ARHGAP42: variants seen among roughly 807,000 people sequenced by gnomAD.
The protein encoded by ARHGAP42 is rho GTPase-activating protein 42.
Under a neutral mutation model 125.0 loss-of-function variants are expected in ARHGAP42, and 63 were observed. The ratio of observed to expected loss-of-function variants is 0.50; its 90% CI spans 0.41 to 0.62. The LOEUF (loss-of-function observed/expected upper bound fraction) is 0.62. Among genes scored for constraint, ARHGAP42 ranks in the 20% least tolerant of loss-of-function variants. The pLI, the probability that ARHGAP42 is intolerant of heterozygous loss-of-function variation, is 0.00. For synonymous variants in ARHGAP42, 339 were observed against 351.0 expected, an observed-to-expected ratio of 0.97 and a Z score of 0.38; for missense variants, 766 against 1,024.2, an observed-to-expected ratio of 0.75 and a Z score of 3.44.
At chr11:100,792,752 C>CTTTTTTTTTTTTTTTTTTTTT in intron 2 of ARHGAP42, among the ~76,000 whole-genome samples, 1 of 141,550 alleles carries the variant, frequency 7.1e-6, no homozygotes, top group African/African-American at 2.7e-5. Flanking sequence ...TTGGAATTTT[C>CTTTTTTTTTTTTTTTTTTTTT]TTTTTTTTTT....
At position 100,760,184 on chromosome 11, in the gene ARHGAP42, T is replaced by A. The variant is rs143701198; in HGVS notation, c.155-10159T>A. ...GCAGTCCTGCAGCTGTGCATACCTC[T>A]CTATTTGAAGACGTTTGAAGGTCAC... On this transcript the variant is annotated intron_variant, in intron 1 of 23. Coordinates refer to ENST00000298815, the MANE Select transcript of ARHGAP42 (RefSeq NM_152432.4). Among the ~76,000 whole-genome samples the A allele has an allele frequency of 4.4e-3, 669 of 152,322 alleles. 4 individuals are homozygous for A. The highest frequency in any genetic ancestry group is 0.015 in the African/African-American group (639 of 41,570).
intron 1 of ARHGAP42, among the ~76,000 whole-genome samples, chr11:100,715,984 C>G (rs1468320626): frequency 6.6e-6 from 1 of 152,168 alleles, no homozygotes; most frequent in Non-Finnish European, 1.5e-5. Context: ...TGTAGGAAGA[C>G]AGTCTGGCAG....
chr11:100,933,352 G>C lies in ARHGAP42; in HGVS notation c.702+92G>C, dbSNP rs1419336144. 4 of 908,314 alleles carry C rather than the reference G, an allele frequency of 4.4e-6. No individual in the cohort carries two copies. The East Asian group carries it at 9.1e-5, about 21-fold the overall frequency. The allele number at this position is 908,314 out of a possible 1,614,324, so 56.3% of individuals were successfully genotyped here. A position where few individuals can be genotyped will look rare whatever the true frequency, so the allele number is the denominator to read the frequency against. ...TTACAATTTTTTTCTAGCTGCTAGT[G>C]GAAAATACAACCCACAAAACCCTAA... On this transcript the variant is annotated intron_variant, in intron 7 of 23. Coordinates refer to ENST00000298815, the MANE Select transcript of ARHGAP42 (RefSeq NM_152432.4).
intron 2 of ARHGAP42, among the ~76,000 whole-genome samples, chr11:100,789,733 G>GA (rs1344474301): frequency 6.6e-6 from 1 of 152,198 alleles, no homozygotes; most frequent in Non-Finnish European, 1.5e-5. Context: ...CCTGACTAAA[G>GA]TGCAGCCATC....
intron 18 of ARHGAP42, 99 bp downstream of exon 18, chr11:100,973,433 A>T (rs1858306829): frequency 2.5e-6 from 3 of 1,208,726 alleles, no homozygotes; most frequent in Admixed American, 2.6e-5. Context: ...TGTATAAATT[A>T]CTTCTTAATG....
intron 4 of ARHGAP42, among the ~76,000 whole-genome samples, chr11:100,891,718 C>T (rs1055688855): frequency 3.3e-5 from 5 of 152,168 alleles, no homozygotes; most frequent in African/African-American, 1.2e-4. Flanking sequence ...GCTGGGATTA[C>T]AGGTGTGAGC....
chr11:100,952,008 A>G (rs529753799), intron 12 of ARHGAP42, among the ~76,000 whole-genome samples: 63 of 152,304 alleles, frequency 4.1e-4, no homozygotes, highest in African/African-American at 1.5e-3. Context: ...TACCCAAGGG[A>G]AGATTTTTGG....
chr11:100,827,686 CAT>C (rs1325133093), intron 3 of ARHGAP42, among the ~76,000 whole-genome samples: 12 of 152,228 alleles, frequency 7.9e-5, no homozygotes, highest in African/African-American at 2.9e-4. Context: ...TTGGCAAAGT[CAT>C]AGTTGTGGAG....
chr11:100,711,996 G>C (rs1861572870), intron 1 of ARHGAP42, among the ~76,000 whole-genome samples: 1 of 152,214 alleles, frequency 6.6e-6, no homozygotes, highest in Non-Finnish European at 1.5e-5. Flanking sequence ...TTGTAAATTA[G>C]TAATATGTTT....
chr11:100,876,620 G>A (rs1865829753), intron 4 of ARHGAP42, among the ~76,000 whole-genome samples: 1 of 152,208 alleles, frequency 6.6e-6, no homozygotes, highest in Non-Finnish European at 1.5e-5. Context: ...GGATTGTGCA[G>A]ATAAGTGAAC....
intron 4 of ARHGAP42, among the ~76,000 whole-genome samples, chr11:100,861,671 A>AT (rs1252560623): frequency 6.6e-6 from 1 of 152,218 alleles, no homozygotes; most frequent in African/African-American, 2.4e-5. Context: ...TTCAGGTTGC[A>AT]TAACTGGGTG....
chr11:100,733,851 A>AG (rs1862005546), intron 1 of ARHGAP42, among the ~76,000 whole-genome samples: 1 of 146,270 alleles, frequency 6.8e-6, no homozygotes, highest in African/African-American at 2.5e-5. Flanking sequence ...AAAAAAAAAA[A>AG]GCACTCCATT....
intron 1 of ARHGAP42, among the ~76,000 whole-genome samples, chr11:100,761,873 T>C (rs981802571): frequency 6.6e-6 from 1 of 152,256 alleles, no homozygotes; most frequent in African/African-American, 2.4e-5. Context: ...AAGCCAGTTT[T>C]ATGTAATATT....
intron 22 of ARHGAP42, among the ~76,000 whole-genome samples, chr11:100,979,994 C>T (rs192665003): frequency 1.7e-4 from 26 of 152,238 alleles, no homozygotes; most frequent in African/African-American, 6.0e-4. Flanking sequence ...AGTACCTAGA[C>T]AGTACTGGGC....
intron 1 of ARHGAP42, among the ~76,000 whole-genome samples, chr11:100,743,257 G>A (rs1396399226): frequency 6.6e-6 from 1 of 152,076 alleles, no homozygotes; most frequent in African/African-American, 2.4e-5. Flanking sequence ...GTATGGCTGG[G>A]CTGGTAATGA....
intron 3 of ARHGAP42, among the ~76,000 whole-genome samples, chr11:100,838,109 G>A (rs756748549): frequency 2.9e-4 from 44 of 151,726 alleles, no homozygotes; most frequent in Non-Finnish European, 5.6e-4. Context: ...TTGCATTGAC[G>A]TGTTTGAAAA....
At chr11:100,832,987 C>T (rs924949522) in intron 3 of ARHGAP42, among the ~76,000 whole-genome samples, 5 of 152,146 alleles carry the variant, frequency 3.3e-5, no homozygotes, top group East Asian at 3.8e-4. Flanking sequence ...GCATCACAGG[C>T]GACTAGAATG....
At chr11:100,729,005 G>GT (rs1176380392) in intron 1 of ARHGAP42, among the ~76,000 whole-genome samples, 1 of 151,738 alleles carries the variant, frequency 6.6e-6, no homozygotes, top group Non-Finnish European at 1.5e-5. Context: ...CTGGCCTCAG[G>GT]TTATCTGCCC....
chr11:100,729,185 A>G (rs1269737364), intron 1 of ARHGAP42, among the ~76,000 whole-genome samples: 2 of 152,126 alleles, frequency 1.3e-5, no homozygotes, highest in South Asian at 2.1e-4. Context: ...AAATATACAG[A>G]TATGTATTTG....
Sources: gnomAD v4.1 joint callset for allele counts (sites outside exome capture counted in the v4.1 genomes callset) on GRCh38, gnomAD v4.1.1 for gene constraint, MANE v1.5 for transcripts, NCBI Gene and HGNC (gene_info 2026-07-23, HGNC 2026-07-21) for gene names.